Variants in ATP5MGL observed in about 807,000 individuals in gnomAD.
The protein encoded by ATP5MGL is ATP synthase membrane subunit g like.
For synonymous variants in ATP5MGL, 56 were observed against 48.3 expected, an observed-to-expected ratio of 1.16 and a Z score of -0.66; for missense variants, 119 against 123.1, an observed-to-expected ratio of 0.97 and a Z score of 0.16.
rs765122495 is a variant in ATP5MGL, at chr22:42,640,099, C to G, written c.176G>C (p.Ser59Thr). The G allele has an allele frequency of 6.2e-7, 1 of 1,613,906 alleles. No individual in the cohort carries two copies. Among genetic ancestry groups the G allele is most frequent in the Non-Finnish European group, 8.5e-7 (1 of 1,180,036 alleles). ...AIQSLKKIVSSAQTGSFKQLT... is the reference protein window; with the variant it reads ...AIQSLKKIVSTAQTGSFKQLT... ...CTGTTTGAAGCTACCAGTCTGAGCA[C>G]TACTGACTATTTTTTTCAGGCTCTG... The change falls in exon 1 of 1, where the codon AGT (serine) becomes ACT (threonine). Residue 59 changes from serine to threonine, a missense_variant. Ser to Thr is a moderately conservative substitution (Grantham distance 58, BLOSUM62 1). Transcript: ENST00000505920.
rs559514039 is a variant in ATP5MGL at position 42,640,174 on chromosome 22, G to T, written c.101C>A (p.Thr34Asn). ...KPRLAAFWYY[T>N]TVELVPPTPA... ...GGTGGGAGGAACCAGCTCAACCGTGGTGTAGTACCAAAATGCGGCCAATCG... is the reference window on the plus strand; with the variant it reads ...GGTGGGAGGAACCAGCTCAACCGTGTTGTAGTACCAAAATGCGGCCAATCG... The change falls in exon 1 of 1, where the codon ACC becomes AAC. Residue 34 changes from threonine (T) to asparagine (N), a missense_variant. Thr to Asn is a moderately conservative substitution (Grantham distance 65, BLOSUM62 0). Coordinates refer to ENST00000505920, the MANE Select transcript of ATP5MGL (RefSeq NM_001165877.1). 1 of 1,612,616 alleles carries T rather than the reference G, an allele frequency of 6.2e-7. No homozygotes were observed. Among genetic ancestry groups the T allele is most frequent in the East Asian group, 2.2e-5 (1 of 44,880 alleles).
chr22:42,640,455 T>C lies in ATP5MGL; in HGVS notation c.-181A>G, dbSNP rs1169623258. ...GTACAGTGGTGTGATCTTGGCTAACTGTGACCTCCGCCTCCCGGGTTCAAG... is the reference window on the plus strand; with the variant it reads ...GTACAGTGGTGTGATCTTGGCTAACCGTGACCTCCGCCTCCCGGGTTCAAG... On this transcript the variant is annotated 5_prime_UTR_variant, in exon 1 of 1. Transcript: ENST00000505920. The C allele has an allele frequency of 1.4e-5, 5 of 369,676 alleles. No individual in the cohort carries two copies. Among genetic ancestry groups the C allele is most frequent in the Non-Finnish European group, 2.1e-5 (5 of 233,396 alleles). 22.9% of individuals were successfully genotyped at this position (369,676 alleles called of 1,614,324 possible).
chr22:42,640,294 C>T lies in ATP5MGL; in HGVS notation c.-20G>A. The T allele has an allele frequency of 1.3e-6, 2 of 1,540,072 alleles. No individual in the cohort carries two copies. ...AGCCATGGTTCTGGGATGGAAAGTC[C>T]ATCATCCCGAATGGCCAGCTGAAGG... On this transcript the variant is annotated 5_prime_UTR_variant, in exon 1 of 1. An upstream start codon of the reference 5' UTR is lost. Coordinates refer to ENST00000505920, the MANE Select transcript of ATP5MGL (RefSeq NM_001165877.1).
chr22:42,640,106 C>A lies in ATP5MGL; in HGVS notation c.169G>T (p.Val57Phe), dbSNP rs1405675341. 1 of 1,613,918 alleles carries A rather than the reference C, an allele frequency of 6.2e-7. No homozygotes were observed. The highest frequency in any genetic ancestry group is 8.5e-7 in the Non-Finnish European group (1 of 1,180,026). ...PRAIQSLKKIVSSAQTGSFKQ... is the reference protein window; with the variant it reads ...PRAIQSLKKIFSSAQTGSFKQ... ...AAGCTACCAGTCTGAGCACTACTGA[C>A]TATTTTTTTCAGGCTCTGAATAGCT... The change falls in exon 1 of 1, where the codon GTC becomes TTC. Residue 57 changes from valine (V) to phenylalanine (F), a missense_variant. Val to Phe is a conservative substitution (Grantham distance 50). Transcript: ENST00000505920.
Position 42,640,228 on chromosome 22 carries a change from A to G in ATP5MGL, c.47T>C (p.Val16Ala). ...CTTCAAGTAAGTCACAGCAGCATTC[A>G]CCAGTGCTGGGGTCTTCTCCACAAG... is the stretch of plus-strand genomic sequence containing the variant. The part of the protein sequence containing the change: ...RNLVEKTPAL[V>A]NAAVTYLKPR... The change falls in exon 1 of 1, where the codon GTG becomes GCG. Residue 16 changes from valine (V) to alanine (A), a missense_variant. By Grantham distance (64) the Val-to-Ala change is moderately conservative. Transcript: ENST00000505920. 2 of 1,593,542 alleles carry G rather than the reference A, an allele frequency of 1.3e-6. No homozygotes were observed. Among genetic ancestry groups the G allele is most frequent in the Non-Finnish European group, 1.7e-6 (2 of 1,172,238 alleles).
At position 42,640,535 on chromosome 22, in the gene ATP5MGL, C is replaced by T. The variant is rs1929203855; in HGVS notation, c.-261G>A. 1 of 188,126 alleles carries T rather than the reference C, an allele frequency of 5.3e-6. No individual in the cohort carries two copies. Among genetic ancestry groups the T allele is most frequent in the Non-Finnish European group, 1.1e-5 (1 of 92,868 alleles). The allele number at this position is 188,126 out of a possible 1,614,324, so 11.7% of individuals were successfully genotyped here. A position where few individuals can be genotyped will look rare whatever the true frequency, so the allele number is the denominator to read the frequency against. On this transcript the variant is annotated 5_prime_UTR_variant, in exon 1 of 1. In the 5' UTR this introduces an upstream ATG that the reference lacks. Transcript: ENST00000505920. The stretch of plus-strand genomic sequence containing the variant: ...CTGGGATTACAGGTGAGCACCACCA[C>T]GTCTGGCTAATTTTTGTACTTTTAG...
Position 42,640,397 on chromosome 22 carries a change from G to A in ATP5MGL, c.-123C>T, listed in dbSNP as rs1475363883. On this transcript the variant is annotated 5_prime_UTR_variant, in exon 1 of 1. Coordinates refer to ENST00000505920, the MANE Select transcript of ATP5MGL (RefSeq NM_001165877.1). ...TATTTATTTATTTATTTATTTATTT[G>A]AGATGGAGTCTCACTCTATCACCCA... 2.0e-6 allele frequency: 1 copy of A among 494,496 alleles called. No individual in the cohort carries two copies. Among genetic ancestry groups the A allele is most frequent in the Non-Finnish European group, 2.9e-6 (1 of 345,392 alleles). The allele number at this position is 494,496 out of a possible 1,614,324, so 30.6% of individuals were successfully genotyped here.
At position 42,640,214 on chromosome 22, in the gene ATP5MGL, T is replaced by C. The variant is rs780875840; in HGVS notation, c.61A>G (p.Thr21Ala). 1 of 1,601,810 alleles carries C rather than the reference T, an allele frequency of 6.2e-7. No homozygotes were observed. The highest frequency in any genetic ancestry group is 1.1e-5 in the South Asian group (1 of 89,684). ...KTPALVNAAV[T>A]YLKPRLAAFW... ...GCGGCCAATCGAGGCTTCAAGTAAG[T>C]CACAGCAGCATTCACCAGTGCTGGG... The change falls in exon 1 of 1, where the codon ACT becomes GCT. Residue 21 changes from threonine to alanine, a missense_variant. Coordinates refer to ENST00000505920, the MANE Select transcript of ATP5MGL (RefSeq NM_001165877.1).
At position 42,640,552 on chromosome 22, in the gene ATP5MGL, T is replaced by A. The variant is rs1929205328; in HGVS notation, c.-278A>T. On this transcript the variant is annotated 5_prime_UTR_variant, in exon 1 of 1. Transcript: ENST00000505920. ...CACCACCACGTCTGGCTAATTTTTGTACTTTTAGTAGAGACAATGTTTCGC... is the reference window on the plus strand; with the variant it reads ...CACCACCACGTCTGGCTAATTTTTGAACTTTTAGTAGAGACAATGTTTCGC... 1 of 171,598 alleles carries A rather than the reference T, an allele frequency of 5.8e-6. No homozygotes were observed. The highest frequency in any genetic ancestry group is 6.3e-5 in the Admixed American group (1 of 15,958). The allele number at this position is 171,598 out of a possible 1,614,324, so 10.6% of individuals were successfully genotyped here.
At position 42,639,867 on chromosome 22, in the gene ATP5MGL, G is replaced by A. The variant is rs1359422560; in HGVS notation, c.*105C>T. 13 of 1,265,702 alleles carry A rather than the reference G, an allele frequency of 1.0e-5. No individual in the cohort carries two copies. The highest frequency in any genetic ancestry group is 5.9e-5 in the Admixed American group (2 of 34,116). 78.4% of individuals were successfully genotyped at this position (1,265,702 alleles called of 1,614,324 possible). On this transcript the variant is annotated 3_prime_UTR_variant, in exon 1 of 1. Coordinates refer to ENST00000505920, the MANE Select transcript of ATP5MGL (RefSeq NM_001165877.1). ...ACTTTTTTTTTTTTTTGGAATTTCT[G>A]ACAAATCTTATTTTATTCAGATAGC...
Position 42,640,322 on chromosome 22 carries a change from A to AC in ATP5MGL, c.-49dup, listed in dbSNP as rs777889137. On this transcript the variant is annotated 5_prime_UTR_variant, in exon 1 of 1. Transcript: ENST00000505920. ...CATCCCGAATGGCCAGCTGAAGGTCACCCCCCGGAAGGACCCTGCGTGGTT... is the reference window on the plus strand; with the variant it reads ...CATCCCGAATGGCCAGCTGAAGGTCACCCCCCCGGAAGGACCCTGCGTGGTT... 6.8e-7 allele frequency: 1 copy of AC among 1,472,458 alleles called. No individual in the cohort carries two copies. Among genetic ancestry groups the AC allele is most frequent in the South Asian group, 1.2e-5 (1 of 80,202 alleles). 91.2% of individuals were successfully genotyped at this position (1,472,458 alleles called of 1,614,324 possible).
In ATP5MGL at chr22:42,640,513, G is replaced by A; in HGVS notation, c.-239C>T. 4.7e-6 allele frequency: 1 copy of A among 214,392 alleles called. No individual in the cohort carries two copies. 13.3% of individuals were successfully genotyped at this position (214,392 alleles called of 1,614,324 possible). A position where few individuals can be genotyped will look rare whatever the true frequency, so the allele number is the denominator to read the frequency against. ...CCTGCCTCAGCCTCCCGAGTAGCTG[G>A]GATTACAGGTGAGCACCACCACGTC... On this transcript the variant is annotated 5_prime_UTR_variant, in exon 1 of 1. Transcript: ENST00000505920.
At position 42,640,146 on chromosome 22, in the gene ATP5MGL, A is replaced by G. The variant is rs368882948; in HGVS notation, c.129T>C (p.Pro43=). ...YTTVELVPPT[P]AEIPRAIQSL... ...TCTGAATAGCTCTAGGGATCTCAGC[A>G]GGGGTGGGAGGAACCAGCTCAACCG... is the stretch of plus-strand genomic sequence containing the variant. The change falls in exon 1 of 1, where the codon CCT becomes CCC. Residue 43 remains proline, a synonymous_variant. Transcript: ENST00000505920. 12 of 1,613,504 alleles carry G rather than the reference A, an allele frequency of 7.4e-6. No individual in the cohort carries two copies. The African/African-American group carries it at 1.6e-4, about 22-fold the overall frequency.
Position 42,639,889 on chromosome 22 carries a change from T to C in ATP5MGL, c.*83A>G. The C allele has an allele frequency of 7.2e-7, 1 of 1,388,164 alleles. No homozygotes were observed. Among genetic ancestry groups the C allele is most frequent in the Non-Finnish European group, 9.6e-7 (1 of 1,043,330 alleles). 86.0% of individuals were successfully genotyped at this position (1,388,164 alleles called of 1,614,324 possible). A position where few individuals can be genotyped will look rare whatever the true frequency, so the allele number is the denominator to read the frequency against. On this transcript the variant is annotated 3_prime_UTR_variant, in exon 1 of 1. Coordinates refer to ENST00000505920, the MANE Select transcript of ATP5MGL (RefSeq NM_001165877.1). ...TCTGACAAATCTTATTTTATTCAGATAGCAGTCTGATCACACCTGGTCCAA... is the reference window on the plus strand; with the variant it reads ...TCTGACAAATCTTATTTTATTCAGACAGCAGTCTGATCACACCTGGTCCAA...
rs1929207110 is a variant in ATP5MGL at position 42,640,571 on chromosome 22, G to C, written c.-297C>G. 6.2e-6 allele frequency: 1 copy of C among 160,146 alleles called. No homozygotes were observed. The allele number at this position is 160,146 out of a possible 1,614,324, so 9.9% of individuals were successfully genotyped here. On this transcript the variant is annotated 5_prime_UTR_variant, in exon 1 of 1. Transcript: ENST00000505920. Reference sequence around the variant, plus strand: ...TTTTTGTACTTTTAGTAGAGACAATGTTTCGCCATGTTGGCCAGGCTGGTC... The same window carrying C: ...TTTTTGTACTTTTAGTAGAGACAATCTTTCGCCATGTTGGCCAGGCTGGTC...
Position 42,639,946 on chromosome 22 carries a change from G to A in ATP5MGL, c.*26C>T. 1 of 1,599,210 alleles carries A rather than the reference G, an allele frequency of 6.3e-7. No individual in the cohort carries two copies. The highest frequency in any genetic ancestry group is 8.5e-7 in the Non-Finnish European group (1 of 1,174,810). On this transcript the variant is annotated 3_prime_UTR_variant, in exon 1 of 1. Coordinates refer to ENST00000505920, the MANE Select transcript of ATP5MGL (RefSeq NM_001165877.1). Reference sequence around the variant, plus strand: ...TCAAATAATAAATCAAATATAATCAGATGTTAAGACTGGTCTTCAAACATT... The same window carrying A: ...TCAAATAATAAATCAAATATAATCAAATGTTAAGACTGGTCTTCAAACATT...
rs1929145448 is a variant in ATP5MGL at position 42,639,869 on chromosome 22, C to G, written c.*103G>C. On this transcript the variant is annotated 3_prime_UTR_variant, in exon 1 of 1. Transcript: ENST00000505920. ...TTTTTTTTTTTTTTGGAATTTCTGA[C>G]AAATCTTATTTTATTCAGATAGCAG... 1 of 1,277,340 alleles carries G rather than the reference C, an allele frequency of 7.8e-7. No homozygotes were observed. Among genetic ancestry groups the G allele is most frequent in the Non-Finnish European group, 1.0e-6 (1 of 959,834 alleles). 79.1% of individuals were successfully genotyped at this position (1,277,340 alleles called of 1,614,324 possible). A position where few individuals can be genotyped will look rare whatever the true frequency, so the allele number is the denominator to read the frequency against.
In ATP5MGL at chr22:42,640,173, G is replaced by C; in HGVS notation, c.102C>G (p.Thr34=). Residue 34 remains threonine, a synonymous_variant, in exon 1 of 1, where the codon ACC becomes ACG. Coordinates refer to ENST00000505920, the MANE Select transcript of ATP5MGL (RefSeq NM_001165877.1). ...GGGTGGGAGGAACCAGCTCAACCGT[G>C]GTGTAGTACCAAAATGCGGCCAATC... ...KPRLAAFWYY[T]TVELVPPTPA... is the part of the protein sequence containing the mutation. The C allele has an allele frequency of 2.5e-6, 4 of 1,612,564 alleles. No homozygotes were observed. The highest frequency in any genetic ancestry group is 3.4e-6 in the Non-Finnish European group (4 of 1,179,864).
chr22:42,640,271 C>T lies in ATP5MGL; in HGVS notation c.4G>A (p.Ala2Thr), dbSNP rs1182583296. The T allele has an allele frequency of 1.9e-6, 3 of 1,558,324 alleles. No individual in the cohort carries two copies. The highest frequency in any genetic ancestry group is 4.8e-5 in the East Asian group (2 of 41,710). The change falls in exon 1 of 1, where the codon GCT (alanine) becomes ACT (threonine). Residue 2 changes from alanine (A) to threonine (T), a missense_variant. Physicochemically the swap from Ala to Thr is moderately conservative, Grantham distance 58. Coordinates refer to ENST00000505920, the MANE Select transcript of ATP5MGL (RefSeq NM_001165877.1). MAPFVRNLVEKT... is the reference protein window; with the variant it reads MTPFVRNLVEKT... ...TCCACAAGGTTACGGACAAATGGAGCCATGGTTCTGGGATGGAAAGTCCAT... is the reference window on the plus strand; with the variant it reads ...TCCACAAGGTTACGGACAAATGGAGTCATGGTTCTGGGATGGAAAGTCCAT...
Sources: gnomAD v4.1 joint callset for allele counts on GRCh38, gnomAD v4.1.1 for gene constraint, MANE v1.5 for transcripts, NCBI Gene and HGNC (gene_info 2026-07-23, HGNC 2026-07-21) for gene names.